MEGF11: variants seen among roughly 807,000 people sequenced by gnomAD.
MEGF11 encodes the protein multiple epidermal growth factor-like domains protein 11.
Under a neutral mutation model 146.6 loss-of-function variants are expected in MEGF11, and 126 were observed. The observed-to-expected ratio is 0.86, with a 90% CI of 0.74 to 1.00. The LOEUF (loss-of-function observed/expected upper bound fraction) is 1.00. Ranked by LOEUF, MEGF11 falls within the 50% of genes least tolerant of loss-of-function variation. MEGF11 has a pLI of 0.00. For synonymous variants in MEGF11, 532 were observed against 583.4 expected, an observed-to-expected ratio of 0.91 and a Z score of 1.27; for missense variants, 1,509 against 1,521.2, an observed-to-expected ratio of 0.99 and a Z score of 0.13.
intron 20 of MEGF11, among the ~76,000 whole-genome samples, chr15:65,912,701 G>T (rs576156717): frequency 5.3e-5 from 8 of 152,294 alleles, no homozygotes; most frequent in African/African-American, 1.9e-4. Flanking sequence ...AGTCATAGAA[G>T]AAAATCCCCA....
chr15:65,951,441 C>A (rs1567172961), intron 10 of MEGF11, among the ~76,000 whole-genome samples: 1 of 152,186 alleles, frequency 6.6e-6, no homozygotes, highest in Non-Finnish European at 1.5e-5. Flanking sequence ...AATCCCAGCA[C>A]TTTGTGAGGC....
At chr15:66,200,899 C>G (rs1292401475) in intron 1 of MEGF11, among the ~76,000 whole-genome samples, 1 of 152,004 alleles carries the variant, frequency 6.6e-6, no homozygotes, top group Non-Finnish European at 1.5e-5. Context: ...CAGGTTGTCC[C>G]TAGAGATTAT....
At chr15:66,042,753 A>G (rs2084039844) in intron 5 of MEGF11, among the ~76,000 whole-genome samples, 1 of 152,152 alleles carries the variant, frequency 6.6e-6, no homozygotes, top group Non-Finnish European at 1.5e-5. Context: ...GCATAACTGC[A>G]GGCTCCGCTT....
chr15:65,916,094 C>T, intron 18 of MEGF11, 54 bp downstream of exon 18: 2 of 1,520,900 alleles, frequency 1.3e-6, no homozygotes, highest in East Asian at 2.4e-5. Context: ...CCATCCTCTG[C>T]AGGAGGGTAG....
At chr15:66,217,165 G>A (rs2091605913) in intron 1 of MEGF11, among the ~76,000 whole-genome samples, 1 of 152,200 alleles carries the variant, frequency 6.6e-6, no homozygotes, top group Non-Finnish European at 1.5e-5. Flanking sequence ...CCTAAGTCAG[G>A]GGGCATGTCT....
intron 8 of MEGF11, among the ~76,000 whole-genome samples, chr15:65,968,972 C>T (rs2081208966): frequency 1.3e-5 from 2 of 152,200 alleles, no homozygotes; most frequent in South Asian, 2.1e-4. Context: ...ATATTAAACA[C>T]CAGGCAGCCC....
rs375273475 is a variant in MEGF11, at chr15:66,094,500, G to A, written c.302-6C>T. On this transcript the variant is annotated splice_polypyrimidine_tract_variant and splice_region_variant and intron_variant, in intron 4 of 25. Coordinates refer to ENST00000395614, the MANE Select transcript of MEGF11 (RefSeq NM_001385028.1). ...ACACTCCTCCGTACACAGGGCTGAG[G>A]GGACATGGGGAGAGGGAGGAAGAAC... 3 of 1,557,096 alleles carry A rather than the reference G, an allele frequency of 1.9e-6. No homozygotes were observed. In the African/African-American group the frequency reaches 4.1e-5, roughly 21 times the overall value.
rs901622145 is a variant in MEGF11, at chr15:65,982,249, C to T, written c.634G>A (p.Gly212Ser). 1.3e-6 allele frequency: 2 copies of T among 1,541,098 alleles called. No homozygotes were observed. The highest frequency in any genetic ancestry group is 1.4e-5 in the African/African-American group (1 of 72,344). The part of the protein sequence containing the change: ...GECLCAPGYT[G>S]VYCEELCPPG... ...TCCTGCCGCATGACTCACTAGACGCCGGTGTAGCCAGGTGCGCAGAGGCAC... is the reference window on the plus strand; with the variant it reads ...TCCTGCCGCATGACTCACTAGACGCTGGTGTAGCCAGGTGCGCAGAGGCAC... Residue 212 changes from glycine to serine, a missense_variant, in exon 6 of 26, where the codon GGC (glycine) becomes AGC (serine). Gly to Ser is a moderately conservative substitution (Grantham distance 56). Coordinates refer to ENST00000395614, the MANE Select transcript of MEGF11 (RefSeq NM_001385028.1). This position sits in a 1 kb window ranked among gnomAD's most constrained non-coding sequence, Gnocchi z 5.6.
At chr15:65,926,321 A>G (rs578237035) in intron 13 of MEGF11, among the ~76,000 whole-genome samples, 2 of 152,218 alleles carry the variant, frequency 1.3e-5, no homozygotes, top group Non-Finnish European at 2.9e-5. Context: ...AGGTTGGTGG[A>G]GATAATCTTT....
Position 65,898,772 on chromosome 15 carries a change from T to C in MEGF11, c.3218A>G (p.Asp1073Gly), listed in dbSNP as rs2078418943. ...SPVHMGSPYT[D>G]VPSLSTSNKN... The stretch of plus-strand genomic sequence containing the variant: ...ATTAGATGTCGACAAGGATGGCACA[T>C]CTGTGTACGGAGACCCCATGTGCAC... The change falls in exon 25 of 26, where the codon GAT (aspartate) becomes GGT (glycine). Residue 1073 changes from aspartate to glycine, a missense_variant. Coordinates refer to ENST00000395614, the MANE Select transcript of MEGF11 (RefSeq NM_001385028.1). The C allele has an allele frequency of 6.2e-7, 1 of 1,613,988 alleles. No homozygotes were observed. Among genetic ancestry groups the C allele is most frequent in the Non-Finnish European group, 8.5e-7 (1 of 1,179,862 alleles).
intron 1 of MEGF11, among the ~76,000 whole-genome samples, chr15:66,168,233 G>A (rs2141103148): frequency 6.6e-6 from 1 of 152,042 alleles, no homozygotes; most frequent in South Asian, 2.1e-4. Context: ...CTTTGCACAT[G>A]CACTTCCCTC....
intron 1 of MEGF11, among the ~76,000 whole-genome samples, chr15:66,198,636 C>T (rs2091070752): frequency 6.8e-6 from 1 of 146,932 alleles, no homozygotes; most frequent in Non-Finnish European, 1.5e-5. Flanking sequence ...CAGGCATGCA[C>T]CACCACACCT....
intron 3 of MEGF11, among the ~76,000 whole-genome samples, chr15:66,121,375 A>G (rs917869739): frequency 1.3e-5 from 2 of 152,296 alleles, no homozygotes. Context: ...CCACAGTCAA[A>G]TGCTAGAGGA....
intron 9 of MEGF11, among the ~76,000 whole-genome samples, chr15:65,960,546 A>G (rs1567177372): frequency 6.6e-6 from 1 of 152,362 alleles, no homozygotes; most frequent in East Asian, 1.9e-4. Context: ...GTTTAGGGTT[A>G]GCGTAGAGAG....
At chr15:66,128,205 T>C in intron 2 of MEGF11, 101 bp downstream of exon 2, 1 of 699,110 alleles carries the variant, frequency 1.4e-6, no homozygotes, top group Non-Finnish European at 2.2e-6. Flanking sequence ...TGCAGACCCT[T>C]AGAGGGCAGC....
intron 5 of MEGF11, among the ~76,000 whole-genome samples, chr15:65,984,887 G>A (rs947892676): frequency 1.3e-5 from 2 of 151,972 alleles, no homozygotes; most frequent in African/African-American, 4.8e-5. Flanking sequence ...TCCTGCCTCA[G>A]CCTCCCGAGT....
intron 5 of MEGF11, among the ~76,000 whole-genome samples, chr15:66,015,500 G>A (rs755446997): frequency 3.9e-5 from 6 of 152,182 alleles, no homozygotes; most frequent in Non-Finnish European, 8.8e-5. Flanking sequence ...AGATAAAACA[G>A]TCCCTGGGTC....
chr15:66,006,256 G>A (rs1306113408), intron 5 of MEGF11, among the ~76,000 whole-genome samples: 1 of 152,150 alleles, frequency 6.6e-6, no homozygotes, highest in Non-Finnish European at 1.5e-5. Context: ...CTAACACAGG[G>A]TCTCTAGAAT....
chr15:66,139,657 G>A (rs1056413101), intron 1 of MEGF11, among the ~76,000 whole-genome samples: 1 of 151,514 alleles, frequency 6.6e-6, no homozygotes, highest in African/African-American at 2.4e-5. Flanking sequence ...GGTGGCCGAG[G>A]TAACGATCTA....
Sources: gnomAD v4.1 joint callset for allele counts (sites outside exome capture counted in the v4.1 genomes callset) on GRCh38, gnomAD v4.1.1 for gene constraint, Gnocchi (gnomAD v3.1) non-coding constraint, MANE v1.5 for transcripts, NCBI Gene and HGNC (gene_info 2026-07-23, HGNC 2026-07-21) for gene names.